The following PSMA5 variants were observed in gnomAD, a reference collection of about 807,000 sequenced individuals.
PSMA5 encodes the protein proteasome subunit alpha type-5.
In PSMA5, 3 loss-of-function variants were observed where a neutral mutation model predicts 34.5. The observed-to-expected ratio is 0.09, with a 90% CI of 0.04 to 0.22. The LOEUF (loss-of-function observed/expected upper bound fraction) is 0.22. Among genes scored for constraint, PSMA5 ranks in the 10% least tolerant of loss-of-function variants. The probability of loss-of-function intolerance (pLI) is 1.00; values close to 1 mark genes in which losing one functional copy is unlikely to be tolerated. For synonymous variants in PSMA5, 88 were observed against 95.8 expected, an observed-to-expected ratio of 0.92 and a Z score of 0.47; for missense variants, 120 against 286.1, an observed-to-expected ratio of 0.42 and a Z score of 4.19.
chr1:109,401,798 T>TAAAAAAAAAAA lies in PSMA5; in HGVS notation c.*204_*214dup, dbSNP rs11314171. 1 of 199,752 alleles carries TAAAAAAAAAAA rather than the reference T, an allele frequency of 5.0e-6. No individual in the cohort carries two copies. Among genetic ancestry groups the TAAAAAAAAAAA allele is most frequent in the African/African-American group, 3.0e-5 (1 of 33,758 alleles). 12.4% of individuals were successfully genotyped at this position (199,752 alleles called of 1,614,324 possible). On this transcript the variant is annotated 3_prime_UTR_variant, in exon 9 of 9. Coordinates refer to ENST00000271308, the MANE Select transcript of PSMA5 (RefSeq NM_002790.4). ...GGCAATATAGTGAGACCTCATCTCT[T>TAAAAAAAAAAA]AAAAAAAAAAAAAAAAAAAAGACTA... is the stretch of plus-strand genomic sequence containing the variant.
intron 2 of PSMA5, 91 bp downstream of exon 2, chr1:109,421,769 G>A (rs1654455075): frequency 2.9e-6 from 3 of 1,028,934 alleles, no homozygotes; most frequent in Admixed American, 2.6e-5. Flanking sequence ...TTTTCTAAAG[G>A]AATGGTTAAA....
chr1:109,426,392 G>C lies in PSMA5; in HGVS notation c.-62C>G, dbSNP rs532619748. The C allele has an allele frequency of 8.1e-6, 13 of 1,599,268 alleles. No homozygotes were observed. In the Admixed American group the frequency reaches 1.3e-4, roughly 16 times the overall value. On this transcript the variant is annotated 5_prime_UTR_variant, in exon 1 of 9. Transcript: ENST00000271308. ...TCTGAGGACCAACACGACTCCACCG[G>C]CACCCAACTCACCGGCAGCCAACTC... is the stretch of plus-strand genomic sequence containing the variant.
rs937804589 is a variant in PSMA5 at position 109,417,294 on chromosome 1, T to C, written c.97-1931A>G. On this transcript the variant is annotated intron_variant, in intron 2 of 8. Transcript: ENST00000271308. ...CAAAACTTTGAAGCTAAAAAGAAGATAGGTTAGTGATACCTGGGTAATCCA... is the reference window on the plus strand; with the variant it reads ...CAAAACTTTGAAGCTAAAAAGAAGACAGGTTAGTGATACCTGGGTAATCCA... Among the ~76,000 whole-genome samples the C allele has an allele frequency of 5.9e-5, 9 of 152,044 alleles. No individual in the cohort carries two copies. In the South Asian group the frequency reaches 6.2e-4, roughly 10 times the overall value.
intron 4 of PSMA5, chr1:109,412,537 T>C (rs1654033661): frequency 5.3e-6 from 1 of 188,264 alleles, no homozygotes; most frequent in Non-Finnish European, 1.1e-5. Context: ...CTTACATAAG[T>C]ACAGACAGCA....
In PSMA5 at chr1:109,400,061, G is replaced by C. The variant is rs780963997; in HGVS notation, c.*1952C>G. On this transcript the variant is annotated 3_prime_UTR_variant, in exon 9 of 9. Coordinates refer to ENST00000271308, the MANE Select transcript of PSMA5 (RefSeq NM_002790.4). ...TTTAATATTCTACAAAAAAATCAAA[G>C]TTCTACCTCTTTGAAGAATGCCAAT... 7 of 152,128 alleles carry C rather than the reference G, an allele frequency of 4.6e-5. No individual in the cohort carries two copies. The highest frequency in any genetic ancestry group is 8.8e-5 in the Non-Finnish European group (6 of 68,018). 9.4% of individuals were successfully genotyped at this position (152,128 alleles called of 1,614,324 possible).
At chr1:109,414,919 G>A (rs905210978) in intron 3 of PSMA5, 1 of 217,850 alleles carries the variant, frequency 4.6e-6, no homozygotes, top group Non-Finnish European at 9.0e-6. Flanking sequence ...AAACAAAGGA[G>A]GAAGACTGAT....
In PSMA5 at chr1:109,426,402, C is replaced by A. The variant is rs1296857111; in HGVS notation, c.-72G>T. The stretch of plus-strand genomic sequence containing the variant: ...AACACGACTCCACCGGCACCCAACT[C>A]ACCGGCAGCCAACTCACCCACACGG... On this transcript the variant is annotated 5_prime_UTR_variant, in exon 1 of 9. Transcript: ENST00000271308. 2 of 1,585,046 alleles carry A rather than the reference C, an allele frequency of 1.3e-6. No individual in the cohort carries two copies. Among genetic ancestry groups the A allele is most frequent in the African/African-American group, 1.3e-5 (1 of 74,226 alleles).
intron 8 of PSMA5, among the ~76,000 whole-genome samples, chr1:109,407,770 T>C (rs1346382603): frequency 1.3e-5 from 2 of 152,006 alleles, no homozygotes; most frequent in Non-Finnish European, 2.9e-5. Flanking sequence ...GCCTCCCGAA[T>C]AGCTGAGATT....
At position 109,401,974 on chromosome 1, in the gene PSMA5, C is replaced by T. The variant is rs766255308; in HGVS notation, c.*39G>A. ...ATAAAATTTAAGGACATTATTAGAA[C>T]TGAAATTGTCCCAGAGAAGTTCTGA... On this transcript the variant is annotated 3_prime_UTR_variant, in exon 9 of 9. Coordinates refer to ENST00000271308, the MANE Select transcript of PSMA5 (RefSeq NM_002790.4). The T allele has an allele frequency of 1.1e-5, 16 of 1,480,048 alleles. No individual in the cohort carries two copies. The highest frequency in any genetic ancestry group is 1.5e-5 in the Non-Finnish European group (16 of 1,065,826). The allele number at this position is 1,480,048 out of a possible 1,614,324, so 91.7% of individuals were successfully genotyped here.
intron 6 of PSMA5, among the ~76,000 whole-genome samples, chr1:109,411,335 G>C (rs573773927): frequency 6.6e-6 from 1 of 152,272 alleles, no homozygotes; most frequent in South Asian, 2.1e-4. Flanking sequence ...TAGAAGTATA[G>C]TATGTATAAA....
rs561671735 is a variant in PSMA5 at position 109,401,968 on chromosome 1, T to C, written c.*45A>G. The C allele has an allele frequency of 4.2e-6, 6 of 1,439,792 alleles. No individual in the cohort carries two copies. The East Asian group carries it at 9.2e-5, about 22-fold the overall frequency. The allele number at this position is 1,439,792 out of a possible 1,614,324, so 89.2% of individuals were successfully genotyped here. A position where few individuals can be genotyped will look rare whatever the true frequency, so the allele number is the denominator to read the frequency against. ...CTGGAAATAAAATTTAAGGACATTA[T>C]TAGAACTGAAATTGTCCCAGAGAAG... is the stretch of plus-strand genomic sequence containing the variant. On this transcript the variant is annotated 3_prime_UTR_variant, in exon 9 of 9. Transcript: ENST00000271308.
intron 2 of PSMA5, among the ~76,000 whole-genome samples, chr1:109,420,400 T>C (rs529182182): frequency 6.6e-6 from 1 of 152,180 alleles, no homozygotes; most frequent in Non-Finnish European, 1.5e-5. Flanking sequence ...ATCTGTGTTA[T>C]AGAGATATGG....
intron 2 of PSMA5, among the ~76,000 whole-genome samples, chr1:109,421,015 T>C (rs981150965): frequency 8.9e-6 from 1 of 112,314 alleles, no homozygotes; most frequent in Non-Finnish European, 1.7e-5. Flanking sequence ...ACCACATCTC[T>C]ACCAAAAAAA....
intron 2 of PSMA5, 118 bp from the exon 3 acceptor site, chr1:109,415,481 G>A: frequency 9.2e-7 from 1 of 1,091,324 alleles, no homozygotes; most frequent in Non-Finnish European, 1.2e-6. Context: ...ACATCTTATA[G>A]GCAGAGAGAA....
At chr1:109,421,474 AAAAG>A (rs1557845530) in intron 2 of PSMA5, among the ~76,000 whole-genome samples, 1 of 142,216 alleles carries the variant, frequency 7.0e-6, no homozygotes, top group Non-Finnish European at 1.5e-5. Context: ...AAAAAAAAAA[AAAAG>A]AAAGAAAAAG....
intron 2 of PSMA5, among the ~76,000 whole-genome samples, chr1:109,416,553 C>T (rs1180253626): frequency 6.6e-6 from 1 of 152,202 alleles, no homozygotes; most frequent in East Asian, 1.9e-4. Context: ...GTTATTTCTA[C>T]AAAGTAATCA....
intron 1 of PSMA5, among the ~76,000 whole-genome samples, chr1:109,424,766 A>G (rs924999387): frequency 6.6e-6 from 1 of 152,214 alleles, no homozygotes; most frequent in African/African-American, 2.4e-5. Flanking sequence ...AGGCAGGTGG[A>G]TCACGAGGTC....
intron 2 of PSMA5, among the ~76,000 whole-genome samples, chr1:109,421,336 G>A (rs962204139): frequency 6.6e-6 from 1 of 151,868 alleles, no homozygotes; most frequent in Non-Finnish European, 1.5e-5. Context: ...TCAGGGGTTC[G>A]AGACCAGCCT....
Position 109,426,414 on chromosome 1 carries a change from A to C in PSMA5, c.-84T>G, listed in dbSNP as rs538220971. On this transcript the variant is annotated 5_prime_UTR_variant, in exon 1 of 9. Coordinates refer to ENST00000271308, the MANE Select transcript of PSMA5 (RefSeq NM_002790.4). ...CCGGCACCCAACTCACCGGCAGCCAACTCACCCACACGGCCGCAGTACTAA... is the reference window on the plus strand; with the variant it reads ...CCGGCACCCAACTCACCGGCAGCCACCTCACCCACACGGCCGCAGTACTAA... 12 of 1,543,532 alleles carry C rather than the reference A, an allele frequency of 7.8e-6. No homozygotes were observed. Among genetic ancestry groups the C allele is most frequent in the African/African-American group, 1.4e-5 (1 of 73,416 alleles).
Sources: allele counts gnomAD v4.1 joint callset (sites outside exome capture counted in the v4.1 genomes callset), GRCh38; gene constraint gnomAD v4.1.1; transcripts MANE v1.5; gene names NCBI Gene and HGNC (gene_info 2026-07-23, HGNC 2026-07-21).